AREL1: variants seen among roughly 807,000 people sequenced by gnomAD.
The protein encoded by AREL1 is apoptosis-resistant E3 ubiquitin protein ligase 1.
In AREL1, 62 loss-of-function variants were observed where a neutral mutation model predicts 99.0. The observed-to-expected ratio is 0.63, with a 90% CI of 0.51 to 0.77. AREL1 has a LOEUF of 0.77. Ranked by LOEUF, AREL1 falls within the 30% of genes least tolerant of loss-of-function variation. The probability of loss-of-function intolerance (pLI) is 0.00; values close to 1 mark genes in which losing one functional copy is unlikely to be tolerated. For synonymous variants in AREL1, 380 were observed against 376.5 expected (o/e 1.01, Z -0.11); for missense variants, 879 against 1,027.6 (o/e 0.86, Z 1.98).
chr14:74,675,560 G>A, intron 8 of AREL1, 139 bp downstream of exon 8: 1 of 1,232,848 alleles, frequency 8.1e-7, no homozygotes, highest in Non-Finnish European at 1.1e-6. Flanking sequence ...ATTTTTAACA[G>A]TTGAAAGTGG....
In AREL1 at chr14:74,663,507, C is replaced by G. The variant is rs2089132674; in HGVS notation, c.*213G>C. The G allele has an allele frequency of 6.8e-6, 4 of 587,928 alleles. No homozygotes were observed. Among genetic ancestry groups the G allele is most frequent in the Non-Finnish European group, 1.2e-5 (4 of 325,276 alleles). The allele number at this position is 587,928 out of a possible 1,614,324, so 36.4% of individuals were successfully genotyped here. ...ATGACAGAATGAAGAGCTCAGCTTA[C>G]ATACCATGCCAAAGTGGCCTGTGGT... On this transcript the variant is annotated 3_prime_UTR_variant, in exon 20 of 20. Transcript: ENST00000356357.
At chr14:74,695,422 A>G (rs1447585157) in intron 1 of AREL1, among the ~76,000 whole-genome samples, 5 of 151,896 alleles carry the variant, frequency 3.3e-5, no homozygotes, top group African/African-American at 4.8e-5. Context: ...CAGGTTTCCA[A>G]CCCTGTGATC....
chr14:74,676,356 A>G, intron 6 of AREL1, 35 bp from the exon 7 acceptor site: 3 of 1,599,002 alleles, frequency 1.9e-6, no homozygotes, highest in Non-Finnish European at 1.7e-6. Context: ...CTTAACATAT[A>G]GTATTTTCCC....
Position 74,663,783 on chromosome 14 carries a change from T to C in AREL1, c.2409A>G (p.Glu803=), listed in dbSNP as rs770604549. 1.2e-6 allele frequency: 2 copies of C among 1,614,072 alleles called. No homozygotes were observed. The highest frequency in any genetic ancestry group is 2.2e-5 in the South Asian group (2 of 91,088). The change falls in exon 20 of 20, where the codon GAA becomes GAG. Residue 803 remains glutamate, a synonymous_variant. Transcript: ENST00000356357. ...CCAGCTGCAGCATCCTGTGCACCTC[T>C]TCATAGGAGTCATATGTAGGGAGGC... The part of the protein sequence containing the change: ...QLCLPTYDSY[E]EVHRMLQLAI...
chr14:74,672,167 G>T (rs756708610), intron 11 of AREL1: 13 of 293,312 alleles, frequency 4.4e-5, no homozygotes, highest in Non-Finnish European at 7.9e-5. Context: ...ATAACAAGAA[G>T]TTTCTTCTGT....
Position 74,683,469 on chromosome 14 carries a change from G to A in AREL1, c.308C>T (p.Ser103Phe). The A allele has an allele frequency of 1.2e-6, 2 of 1,614,116 alleles. No homozygotes were observed. The highest frequency in any genetic ancestry group is 1.7e-6 in the Non-Finnish European group (2 of 1,180,024). ...HRPVGLRVHISHVELAVEIPV... is the reference protein window; with the variant it reads ...HRPVGLRVHIFHVELAVEIPV... The stretch of plus-strand genomic sequence containing the variant: ...AATTTCCACTGCTAGCTCGACATGA[G>A]AGATGTGAACTCTTAGTCCCACAGG... Residue 103 changes from serine to phenylalanine, a missense_variant, in exon 5 of 20, where the codon TCT becomes TTT. Physicochemically the swap from Ser to Phe is radical, Grantham distance 155. Coordinates refer to ENST00000356357, the MANE Select transcript of AREL1 (RefSeq NM_001039479.2).
chr14:74,673,363 A>G (rs750111677), intron 9 of AREL1, 145 bp from the exon 10 acceptor site: 1 of 815,476 alleles, frequency 1.2e-6, no homozygotes, highest in Non-Finnish European at 1.8e-6. Context: ...ACATTTCATT[A>G]TTTTTCCCTT....
chr14:74,677,500 C>CT (rs58383006), intron 5 of AREL1, among the ~76,000 whole-genome samples: 903 of 63,092 alleles, frequency 0.014, 4 homozygotes, highest in East Asian at 0.033. Flanking sequence ...TGTCTCTCTC[C>CT]TTTTTTTTTT....
intron 18 of AREL1, among the ~76,000 whole-genome samples, chr14:74,664,515 G>A (rs368920387): frequency 7.5e-6 from 1 of 134,204 alleles, no homozygotes. Flanking sequence ...GTGCAGTGGC[G>A]TGATCTCAGC....
intron 5 of AREL1, among the ~76,000 whole-genome samples, chr14:74,680,764 T>C (rs370923446): frequency 2.7e-4 from 41 of 152,224 alleles, no homozygotes; most frequent in African/African-American, 9.1e-4. Flanking sequence ...ACATTTTGGG[T>C]ACCTACATGA....
intron 5 of AREL1, 146 bp downstream of exon 5, chr14:74,683,150 C>T (rs2089669796): frequency 1.5e-6 from 1 of 654,776 alleles, no homozygotes; most frequent in Non-Finnish European, 2.6e-6. Context: ...ATTTAAAGAA[C>T]CATTAAACTG....
chr14:74,661,277 C>G lies in AREL1; in HGVS notation c.*2443G>C, dbSNP rs1010059277. ...TTAGTTCTTTTAAACATTTATTTAT[C>G]TACTGTACAAAATATTTACATCATC... On this transcript the variant is annotated 3_prime_UTR_variant, in exon 20 of 20. Transcript: ENST00000356357. 3.9e-5 allele frequency: 18 copies of G among 456,212 alleles called. No homozygotes were observed. The highest frequency in any genetic ancestry group is 3.4e-4 in the African/African-American group (17 of 50,166). 28.3% of individuals were successfully genotyped at this position (456,212 alleles called of 1,614,324 possible). A position where few individuals can be genotyped will look rare whatever the true frequency, so the allele number is the denominator to read the frequency against.
At chr14:74,674,161 C>G in intron 8 of AREL1, 50 bp from the exon 9 acceptor site, 1 of 1,461,316 alleles carries the variant, frequency 6.8e-7, no homozygotes, top group South Asian at 1.2e-5. Flanking sequence ...TAAAAAGGCT[C>G]TATTTGGGTA....
intron 15 of AREL1, among the ~76,000 whole-genome samples, chr14:74,669,391 T>A (rs1308138932): frequency 6.6e-6 from 1 of 152,214 alleles, no homozygotes; most frequent in Non-Finnish European, 1.5e-5. Context: ...TTCACTCAAA[T>A]GGGCTGAGAT....
Position 74,676,269 on chromosome 14 carries a change from G to A in AREL1, c.704C>T (p.Thr235Ile). The A allele has an allele frequency of 6.2e-7, 1 of 1,614,126 alleles. No homozygotes were observed. Among genetic ancestry groups the A allele is most frequent in the East Asian group, 2.2e-5 (1 of 44,884 alleles). The change falls in exon 7 of 20, where the codon ACA becomes ATA. Residue 235 changes from threonine to isoleucine, a missense_variant. By Grantham distance (89) the Thr-to-Ile change is moderately conservative. Coordinates refer to ENST00000356357, the MANE Select transcript of AREL1 (RefSeq NM_001039479.2). The part of the protein sequence containing the change: ...STGVSFEKSV[T>I]SNRQTFQVFL... ...CACCTGGAAAGTCTGCCTGTTGGATGTTACTGATTTCTCAAATGAGACACC... is the reference window on the plus strand; with the variant it reads ...CACCTGGAAAGTCTGCCTGTTGGATATTACTGATTTCTCAAATGAGACACC...
At position 74,661,363 on chromosome 14, in the gene AREL1, G is replaced by A; in HGVS notation, c.*2357C>T. 1 of 455,796 alleles carries A rather than the reference G, an allele frequency of 2.2e-6. No individual in the cohort carries two copies. Among genetic ancestry groups the A allele is most frequent in the South Asian group, 1.6e-5 (1 of 64,466 alleles). The allele number at this position is 455,796 out of a possible 1,614,324, so 28.2% of individuals were successfully genotyped here. On this transcript the variant is annotated 3_prime_UTR_variant, in exon 20 of 20. Coordinates refer to ENST00000356357, the MANE Select transcript of AREL1 (RefSeq NM_001039479.2). Reference sequence around the variant, plus strand: ...GAATCTGCAGCAGGGCTTGGTCTCTGCCAATTTTCCAGAAACATGCTGACA... The same window carrying A: ...GAATCTGCAGCAGGGCTTGGTCTCTACCAATTTTCCAGAAACATGCTGACA...
At chr14:74,670,961 T>C (rs2302832) in intron 12 of AREL1, 90 bp from the exon 13 acceptor site, 452,169 of 953,956 alleles carry the variant, frequency 0.47, 114,259 homozygotes, top group Non-Finnish European at 0.52. Flanking sequence ...ACTCTCCACA[T>C]TCCCTCTATT....
chr14:74,705,652 G>A (rs907137850), intron 1 of AREL1, among the ~76,000 whole-genome samples: 7 of 152,170 alleles, frequency 4.6e-5, no homozygotes, highest in Non-Finnish European at 8.8e-5. Flanking sequence ...ACTGGAAAAT[G>A]TTGTCCTATA....
At chr14:74,675,978 A>G in intron 7 of AREL1, 32 bp from the exon 8 acceptor site, 1 of 1,542,834 alleles carries the variant, frequency 6.5e-7, no homozygotes, top group Non-Finnish European at 8.7e-7. Flanking sequence ...GGTTTAAAGT[A>G]GAAGTCAGAG....
Sources: gnomAD v4.1 joint callset for allele counts (sites outside exome capture counted in the v4.1 genomes callset) on GRCh38, gnomAD v4.1.1 for gene constraint, MANE v1.5 for transcripts, NCBI Gene and HGNC (gene_info 2026-07-23, HGNC 2026-07-21) for gene names.